RIT2: variants seen among roughly 807,000 people sequenced by gnomAD.
RIT2 encodes Ras like without CAAX 2, also known as GTP-binding protein Rit2.
RIT2 carries 24 observed loss-of-function variants against 23.7 expected under a neutral mutation model. The ratio of observed to expected loss-of-function variants is 1.01; its 90% CI spans 0.73 to 1.43. RIT2 has a LOEUF of 1.43. Ranked by LOEUF, RIT2 falls within the 40% of genes most tolerant of loss-of-function variation. The pLI is 0.00. For missense variants in RIT2, 236 were observed against 266.9 expected (o/e 0.88, Z 0.81); for synonymous variants, 107 against 91.1 (o/e 1.17, Z -0.99).
rs1400285988 is a variant in RIT2, at chr18:42,743,625, A to G, written c.522T>C (p.Phe174=). 5 of 1,614,012 alleles carry G rather than the reference A, an allele frequency of 3.1e-6. No homozygotes were observed. The African/African-American group carries it at 4.0e-5, about 13-fold the overall frequency. ...TGCGAATTTCCCTCACTAAGCCATG[A>G]AAAGCATCATCAATACAGAATCTGA... ...AALRFCIDDA[F]HGLVREIRKK... is the part of the protein sequence containing the mutation. Residue 174 remains phenylalanine (F), a synonymous_variant, in exon 5 of 5, where the codon TTT becomes TTC. Transcript: ENST00000326695.
intron 4 of RIT2, among the ~76,000 whole-genome samples, chr18:42,904,966 AT>A (rs1238025710): frequency 1.3e-5 from 2 of 152,178 alleles, no homozygotes; most frequent in Admixed American, 6.6e-5. Flanking sequence ...AGAAAGATGA[AT>A]TTTTATTTAT....
At chr18:42,866,397 T>G (rs1467427617) in intron 4 of RIT2, among the ~76,000 whole-genome samples, 2 of 152,182 alleles carry the variant, frequency 1.3e-5, no homozygotes, top group Non-Finnish European at 2.9e-5. Context: ...CTGTACTAGA[T>G]AGTGAAGAAA....
chr18:42,811,150 C>T (rs1905840187), intron 4 of RIT2, among the ~76,000 whole-genome samples: 1 of 151,960 alleles, frequency 6.6e-6, no homozygotes, highest in Non-Finnish European at 1.5e-5. Flanking sequence ...TGAGGGATCA[C>T]CTAGCTTTAG....
At chr18:42,859,363 G>T (rs1043827430) in intron 4 of RIT2, among the ~76,000 whole-genome samples, 1 of 152,160 alleles carries the variant, frequency 6.6e-6, no homozygotes, top group South Asian at 2.1e-4. Context: ...TTGGCGAAAT[G>T]ATTATTCAAA....
At position 43,072,786 on chromosome 18, in the gene RIT2, A is replaced by G. The variant is rs1476806443; in HGVS notation, c.104-38919T>C. ...ACATCTTGCAAGGTTGTAACTAATTAATCTCTTACTGGAATTGACACTAAA... is the reference window on the plus strand; with the variant it reads ...ACATCTTGCAAGGTTGTAACTAATTGATCTCTTACTGGAATTGACACTAAA... On this transcript the variant is annotated intron_variant, in intron 1 of 4. Transcript: ENST00000326695. Among the ~76,000 whole-genome samples, 4 of 152,142 alleles carry G rather than the reference A, an allele frequency of 2.6e-5. No individual in the cohort carries two copies. The East Asian group carries it at 7.7e-4, about 29-fold the overall frequency.
chr18:42,893,100 T>A (rs1165740310), intron 4 of RIT2, among the ~76,000 whole-genome samples: 4 of 151,884 alleles, frequency 2.6e-5, no homozygotes, highest in African/African-American at 9.7e-5. Flanking sequence ...TGGTGGTGCG[T>A]GCCTGTAATA....
chr18:42,980,684 G>A (rs975415119), intron 2 of RIT2, among the ~76,000 whole-genome samples: 2 of 152,110 alleles, frequency 1.3e-5, no homozygotes, highest in Non-Finnish European at 1.5e-5. Context: ...GCCTTGCCAA[G>A]AACAGAAAAC....
intron 2 of RIT2, among the ~76,000 whole-genome samples, chr18:43,014,647 G>A (rs1294132279): frequency 1.4e-5 from 1 of 73,786 alleles, no homozygotes. Context: ...CTCCAGGAAA[G>A]AGACTTTCAA....
chr18:43,054,664 T>A (rs2144313920), intron 1 of RIT2, among the ~76,000 whole-genome samples: 1 of 152,188 alleles, frequency 6.6e-6, no homozygotes, highest in African/African-American at 2.4e-5. Flanking sequence ...ACCCATCTGC[T>A]TTCCTAGTCT....
At chr18:43,036,531 C>A (rs1440057594) in intron 1 of RIT2, among the ~76,000 whole-genome samples, 2 of 152,060 alleles carry the variant, frequency 1.3e-5, no homozygotes, top group Non-Finnish European at 2.9e-5. Flanking sequence ...CACAGCCAGA[C>A]TCCATCCCCC....
intron 1 of RIT2, among the ~76,000 whole-genome samples, chr18:43,108,822 G>T (rs1196091091): frequency 6.6e-6 from 1 of 152,168 alleles, no homozygotes; most frequent in African/African-American, 2.4e-5. Context: ...AACTGAGGTG[G>T]TAACAATTAA....
chr18:42,743,667 A>T lies in RIT2; in HGVS notation c.480T>A (p.Phe160Leu). 6.2e-7 allele frequency: 1 copy of T among 1,613,682 alleles called. No individual in the cohort carries two copies. Among genetic ancestry groups the T allele is most frequent in the Non-Finnish European group, 8.5e-7 (1 of 1,179,694 alleles). ...AGAATCTGAGGGCTGCAGAGGTCTC[A>T]AAAAAACCACAATTATATTCTTGGG... is the stretch of plus-strand genomic sequence containing the variant. ...SLAQEYNCGF[F>L]ETSAALRFCI... is the part of the protein sequence containing the mutation. The change falls in exon 5 of 5, where the codon TTT (phenylalanine) becomes TTA (leucine). Residue 160 changes from phenylalanine (F) to leucine (L), a missense_variant. Coordinates refer to ENST00000326695, the MANE Select transcript of RIT2 (RefSeq NM_002930.4).
chr18:43,083,842 A>C (rs533009365), intron 1 of RIT2, among the ~76,000 whole-genome samples: 1 of 152,324 alleles, frequency 6.6e-6, no homozygotes, highest in South Asian at 2.1e-4. Context: ...TTCATGACTA[A>C]AACACAAAAA....
rs116646424 is a variant in RIT2 at position 42,901,847 on chromosome 18, A to T, written c.426+21725T>A. ...ACTTGTTGAATTTTGCTGTATTGTCAAAGGAGACTATCCAAAGCTCTCTGG... is the reference window on the plus strand; with the variant it reads ...ACTTGTTGAATTTTGCTGTATTGTCTAAGGAGACTATCCAAAGCTCTCTGG... On this transcript the variant is annotated intron_variant, in intron 4 of 4. Transcript: ENST00000326695. Among the ~76,000 whole-genome samples, 437 of 152,054 alleles carry T rather than the reference A, an allele frequency of 2.9e-3. 1 individual carries two copies. Among genetic ancestry groups the T allele is most frequent in the African/African-American group, 0.01 (420 of 41,538 alleles).
At chr18:42,948,485 G>A (rs1488702074) in intron 3 of RIT2, among the ~76,000 whole-genome samples, 1 of 152,056 alleles carries the variant, frequency 6.6e-6, no homozygotes, top group Non-Finnish European at 1.5e-5. Flanking sequence ...AGTAGTCTAA[G>A]AATGGGACAC....
intron 4 of RIT2, among the ~76,000 whole-genome samples, chr18:42,902,975 A>T (rs1908516261): frequency 6.6e-6 from 1 of 151,886 alleles, no homozygotes; most frequent in Non-Finnish European, 1.5e-5. Flanking sequence ...CAATTTAAAT[A>T]AAATGACAGA....
At chr18:43,071,227 C>T (rs1912889573) in intron 1 of RIT2, among the ~76,000 whole-genome samples, 1 of 152,152 alleles carries the variant, frequency 6.6e-6, no homozygotes, top group Non-Finnish European at 1.5e-5. Context: ...CCTGAATATT[C>T]TCCCTTTTCA....
At chr18:42,758,194 G>T (rs1055437750) in intron 4 of RIT2, among the ~76,000 whole-genome samples, 2 of 151,566 alleles carry the variant, frequency 1.3e-5, no homozygotes, top group African/African-American at 4.8e-5. Flanking sequence ...ATAGGGCTGG[G>T]GAAGGAAAGG....
intron 1 of RIT2, among the ~76,000 whole-genome samples, chr18:43,035,770 C>G (rs1279565437): frequency 6.6e-6 from 1 of 152,146 alleles, no homozygotes; most frequent in Non-Finnish European, 1.5e-5. Context: ...TCCACTGACC[C>G]CAATCCTGCT....
Sources: gnomAD v4.1 joint callset for allele counts (sites outside exome capture counted in the v4.1 genomes callset) on GRCh38, gnomAD v4.1.1 for gene constraint, MANE v1.5 for transcripts, NCBI Gene and HGNC (gene_info 2026-07-23, HGNC 2026-07-21) for gene names.